The following PRPF18 variants were observed in gnomAD, a reference collection of about 807,000 sequenced individuals.
PRPF18 encodes pre-mRNA processing factor 18.
A neutral mutation model predicts 46.5 loss-of-function variants in PRPF18; 38 were observed. The ratio of observed to expected loss-of-function variants is 0.82; its 90% confidence interval spans 0.63 to 1.07. The LOEUF is 1.07. Ranked by LOEUF, PRPF18 falls within the 50% of genes least tolerant of loss-of-function variation. The pLI, the probability that PRPF18 is intolerant of heterozygous loss-of-function variation, is 0.00. For synonymous variants in PRPF18, 152 were observed against 146.7 expected, an observed-to-expected ratio of 1.04 and a Z score of -0.26; for missense variants, 263 against 410.0, an observed-to-expected ratio of 0.64 and a Z score of 3.10.
intron 1 of PRPF18, among the ~76,000 whole-genome samples, chr10:13,593,546 A>G (rs2079993410): frequency 6.6e-6 from 1 of 152,246 alleles, no homozygotes; most frequent in African/African-American, 2.4e-5. Context: ...TCTGCTGTAA[A>G]TGATACCCAG....
Position 13,603,858 on chromosome 10 carries a change from G to T in PRPF18, c.250-1773G>T, listed in dbSNP as rs75478616. Among the ~76,000 whole-genome samples the T allele has an allele frequency of 5.5e-3, 841 of 152,294 alleles. 10 individuals carry two copies. Among genetic ancestry groups the T allele is most frequent in the African/African-American group, 0.019 (804 of 41,560 alleles). ...TGACTGACTCTAGAAACCATCATAT[G>T]AAGATGAGGTGAAGGAATTTAGAAT... On this transcript the variant is annotated intron_variant, in intron 3 of 9. Transcript: ENST00000378572.
intron 1 of PRPF18, among the ~76,000 whole-genome samples, chr10:13,591,065 C>T (rs1021369069): frequency 5.3e-5 from 8 of 152,278 alleles, no homozygotes; most frequent in South Asian, 2.1e-4. Flanking sequence ...GAGGGTTACA[C>T]GATGTTCTCA....
At chr10:13,649,231 C>T in the PRPF18 span, 1 of 152,270 alleles carries the variant, frequency 6.6e-6, no homozygotes, top group East Asian at 1.9e-4. Flanking sequence ...TAAAAGTGCA[C>T]TATGTATTGA....
rs1564454876 is a variant in PRPF18, at chr10:13,605,799, A to G, written c.363+55A>G. 11 of 1,514,826 alleles carry G rather than the reference A, an allele frequency of 7.3e-6. No homozygotes were observed. The East Asian group carries it at 9.5e-5, about 13-fold the overall frequency. The allele number at this position is 1,514,826 out of a possible 1,614,324, so 93.8% of individuals were successfully genotyped here. A position where few individuals can be genotyped will look rare whatever the true frequency, so the allele number is the denominator to read the frequency against. ...ACCACTGTACTGCATTCACTAGAAT[A>G]GAGTTTGACTAATTGCATTATTGTA... On this transcript the variant is annotated intron_variant, in intron 4 of 9. Transcript: ENST00000378572.
chr10:13,598,184 T>C (rs1440246004), intron 2 of PRPF18, among the ~76,000 whole-genome samples: 1 of 152,154 alleles, frequency 6.6e-6, no homozygotes, highest in African/African-American at 2.4e-5. Context: ...TGCTTGTATA[T>C]TTTAGAAGAA....
At chr10:13,621,244 G>GC (rs1170405016) in intron 9 of PRPF18, among the ~76,000 whole-genome samples, 1 of 152,186 alleles carries the variant, frequency 6.6e-6, no homozygotes, top group Admixed American at 6.5e-5. Context: ...TCCTCACTGT[G>GC]TTCCCTCCAA....
At chr10:13,633,694 T>C (rs1280375214), downstream of PRPF18, among the ~76,000 whole-genome samples, 2 of 152,214 alleles carry the variant, frequency 1.3e-5, no homozygotes, top group Non-Finnish European at 2.9e-5. Context: ...TTTGTCTGCA[T>C]GTCTGGTAAA....
chr10:13,587,093 A>T lies in PRPF18; in HGVS notation c.7A>T (p.Ile3Phe). 6.2e-7 allele frequency: 1 copy of T among 1,614,148 alleles called. No individual in the cohort carries two copies. Among genetic ancestry groups the T allele is most frequent in the African/African-American group, 1.3e-5 (1 of 75,062 alleles). Residue 3 changes from isoleucine (I) to phenylalanine (F), a missense_variant, in exon 1 of 10, where the codon ATT (isoleucine) becomes TTT (phenylalanine). By Grantham distance (21) the Ile-to-Phe change is conservative. Transcript: ENST00000378572. ...CTTAAATTCTGGCGGCGAGATGGAC[A>T]TTCTGAAATCAGAGATCCTTCGGAA... MDILKSEILRKRQ... is the reference protein window; with the variant it reads MDFLKSEILRKRQ...
the PRPF18 span, chr10:13,644,654 GA>G: frequency 6.6e-6 from 1 of 152,196 alleles, no homozygotes; most frequent in African/African-American, 2.4e-5. Flanking sequence ...GCATGATGTA[GA>G]ACATGTAACC....
Position 13,600,301 on chromosome 10 carries a change from C to G in PRPF18, c.202C>G (p.Leu68Val), listed in dbSNP as rs2080087606. 3 of 1,612,848 alleles carry G rather than the reference C, an allele frequency of 1.9e-6. No homozygotes were observed. The highest frequency in any genetic ancestry group is 2.5e-6 in the Non-Finnish European group (3 of 1,179,428). The change falls in exon 3 of 10, where the codon CTT (leucine) becomes GTT (valine). Residue 68 changes from leucine (L) to valine (V), a missense_variant. Physicochemically the swap from Leu to Val is conservative, Grantham distance 32 (BLOSUM62 1). This residue lies in a region of PRPF18 where 155 missense variants were observed against 245.1 expected (regional missense o/e 0.63). Coordinates refer to ENST00000378572, the MANE Select transcript of PRPF18 (RefSeq NM_003675.4). ...AACTTCATCGAATCCAGTGTTAGAA[C>G]TTGAACTGGCAGAGGAAAAATTACC... ...PLTSSNPVLE[L>V]ELAEEKLPMT...
the PRPF18 span, among the ~76,000 whole-genome samples, chr10:13,648,926 A>T: frequency 1.3e-5 from 2 of 152,168 alleles, no homozygotes; most frequent in African/African-American, 4.8e-5. Flanking sequence ...CTGAGGGGAA[A>T]AAAAGCTTCC....
At chr10:13,591,934 T>G (rs1261071188) in intron 1 of PRPF18, 5 of 1,356,940 alleles carry the variant, frequency 3.7e-6, no homozygotes, top group African/African-American at 1.5e-5. Context: ...GAGGGTTTTT[T>G]TTTTTTTTTG....
At chr10:13,651,188 G>C in the PRPF18 span, 2 of 152,212 alleles carry the variant, frequency 1.3e-5, no homozygotes, top group African/African-American at 4.8e-5. Context: ...GCTTTCTAAC[G>C]AGCTCCCAGG....
At chr10:13,613,531 A>G (rs2080300718) in intron 6 of PRPF18, among the ~76,000 whole-genome samples, 1 of 152,258 alleles carries the variant, frequency 6.6e-6, no homozygotes, top group Non-Finnish European at 1.5e-5. Context: ...GATGTAGACT[A>G]GGGAAGTTGG....
At chr10:13,627,166 A>G (rs529772411) in intron 9 of PRPF18, among the ~76,000 whole-genome samples, 2 of 152,172 alleles carry the variant, frequency 1.3e-5, no homozygotes, top group East Asian at 3.8e-4. Context: ...AAAGTCCTTC[A>G]GGTTGCCCCA....
In PRPF18 at chr10:13,613,848, C is replaced by T; in HGVS notation, c.687C>T (p.Tyr229=). Residue 229 remains tyrosine (Y), a synonymous_variant, in exon 7 of 10, where the codon TAC becomes TAT. Coordinates refer to ENST00000378572, the MANE Select transcript of PRPF18 (RefSeq NM_003675.4). ...CGACCCAGAAACAGACCGAGTCCTA[C>T]CTAAGACCACTTTTTAGAAAGCTAC... is the stretch of plus-strand genomic sequence containing the variant. ...NSATQKQTES[Y]LRPLFRKLRK... is the part of the protein sequence containing the mutation. 3 of 1,611,960 alleles carry T rather than the reference C, an allele frequency of 1.9e-6. No individual in the cohort carries two copies. The highest frequency in any genetic ancestry group is 1.1e-5 in the South Asian group (1 of 90,318).
chr10:13,590,441 CAAA>C (rs71721771), intron 1 of PRPF18, among the ~76,000 whole-genome samples: 1 of 134,962 alleles, frequency 7.4e-6, no homozygotes, highest in African/African-American at 2.7e-5. Flanking sequence ...ACTGAAAATA[CAAA>C]AAAAAAAAAT....
chr10:13,595,770 G>A (rs915773997), intron 1 of PRPF18, among the ~76,000 whole-genome samples: 1 of 152,146 alleles, frequency 6.6e-6, no homozygotes, highest in Non-Finnish European at 1.5e-5. Context: ...TGCTTGTTGT[G>A]TGGTAGATAA....
At chr10:13,654,518 T>C in the PRPF18 span, 1 of 1,590,452 alleles carries the variant, frequency 6.3e-7, no homozygotes, top group Non-Finnish European at 8.6e-7. Context: ...GGCAGCTACA[T>C]GCAGGTGGTG....
Sources: gnomAD v4.1 joint callset for allele counts (sites outside exome capture counted in the v4.1 genomes callset) on GRCh38, gnomAD v4.1.1 for gene constraint, gnomAD v4.1.1 regional missense constraint, MANE v1.5 for transcripts, NCBI Gene and HGNC (gene_info 2026-07-23, HGNC 2026-07-21) for gene names.